Variants in C4orf50 observed in about 807,000 individuals in gnomAD.
C4orf50 encodes the protein uncharacterized protein C4orf50.
C4orf50 carries 80 observed loss-of-function variants against 77.2 expected under a neutral mutation model. The observed-to-expected ratio is 1.04, with a 90% CI of 0.87 to 1.25. The LOEUF (loss-of-function observed/expected upper bound fraction) is 1.25. Among genes scored for constraint, C4orf50 ranks in the 50% most tolerant of loss-of-function variants. The pLI, the probability that C4orf50 is intolerant of heterozygous loss-of-function variation, is 0.00. For synonymous variants in C4orf50, 532 were observed against 465.3 expected, an observed-to-expected ratio of 1.14 and a Z score of -1.84; for missense variants, 1,257 against 1,152.9, an observed-to-expected ratio of 1.09 and a Z score of -1.31.
rs1260537937 is a variant in C4orf50 at position 5,932,494 on chromosome 4, G to A, written c.*2474+24407C>T. On this transcript the variant is annotated intron_variant, in intron 7 of 7. Transcript: ENST00000324058. This position sits in a 1 kb window ranked among gnomAD's most constrained non-coding sequence, Gnocchi z 4.2. ...TTTTGGAGCCTGGCTGGAGTGCCGT[G>A]GCTCCATCACAGTTCACTGCAGCCT... Among the ~76,000 whole-genome samples, 1 of 152,168 alleles carries A rather than the reference G, an allele frequency of 6.6e-6. No homozygotes were observed. The highest frequency in any genetic ancestry group is 1.5e-5 in the Non-Finnish European group (1 of 68,034).
Position 6,007,949 on chromosome 4 carries a change from A to C in C4orf50, c.963+47T>G. 1 of 399,214 alleles carries C rather than the reference A, an allele frequency of 2.5e-6. No individual in the cohort carries two copies. The highest frequency in any genetic ancestry group is 4.4e-6 in the Non-Finnish European group (1 of 226,258). The allele number at this position is 399,214 out of a possible 1,614,324, so 24.7% of individuals were successfully genotyped here. ...GACTTCACCAAGTGGCTGGAGGAGA[A>C]GGAGAAAGGCAAAAGATCATTCCTA... On this transcript the variant is annotated intron_variant, in intron 25 of 33. Transcript: ENST00000531445. This position sits in a 1 kb window ranked among gnomAD's most constrained non-coding sequence, Gnocchi z 4.1.
chr4:5,930,337 T>A (rs6841393), intron 7 of C4orf50, among the ~76,000 whole-genome samples: 115,096 of 152,108 alleles, frequency 0.76, 43,683 homozygotes, highest in East Asian at 0.84. Flanking sequence ...TGCTATTTGG[T>A]CAGCTCTATA....
At chr4:5,923,870 C>G (rs1372430589) in intron 7 of C4orf50, among the ~76,000 whole-genome samples, 2 of 152,194 alleles carry the variant, frequency 1.3e-5, no homozygotes, top group African/African-American at 2.4e-5. Flanking sequence ...CAGACCTACC[C>G]TCCATCTGGG....
Position 6,007,789 on chromosome 4 carries a change from C to T in C4orf50, c.963+207G>A, listed in dbSNP as rs1472847294. 1.9e-5 allele frequency among the ~76,000 whole-genome samples: 2 copies of T among 104,368 alleles called. No individual in the cohort carries two copies. The highest frequency in any genetic ancestry group is 3.7e-4 in the South Asian group (1 of 2,714). The allele number at this position is 104,368 out of a possible 152,430, so 68.5% of individuals were successfully genotyped here. A position where few individuals can be genotyped will look rare whatever the true frequency, so the allele number is the denominator to read the frequency against. ...GTTGGTGGATGGGTAATGAGGTGGGCGTGCACTGAATGAGTATGTGAGGTT... is the reference window on the plus strand; with the variant it reads ...GTTGGTGGATGGGTAATGAGGTGGGTGTGCACTGAATGAGTATGTGAGGTT... On this transcript the variant is annotated intron_variant, in intron 25 of 33. Transcript: ENST00000531445. This position sits in a 1 kb window ranked among gnomAD's most constrained non-coding sequence, Gnocchi z 4.1.
chr4:5,983,974 A>G (rs1305991215), intron 28 of C4orf50, among the ~76,000 whole-genome samples: 1 of 152,242 alleles, frequency 6.6e-6, no homozygotes, highest in African/African-American at 2.4e-5. Flanking sequence ...TGGTGAAGAG[A>G]TGTCACAGGT....
intron 7 of C4orf50, among the ~76,000 whole-genome samples, chr4:5,949,223 T>C (rs1292457559): frequency 6.6e-6 from 1 of 151,992 alleles, no homozygotes; most frequent in African/African-American, 2.4e-5. Context: ...CTCAACAGCA[T>C]GTTGCAAGAA....
intron 7 of C4orf50, among the ~76,000 whole-genome samples, chr4:5,922,792 A>T (rs886496487): frequency 1.3e-5 from 2 of 152,140 alleles, no homozygotes; most frequent in African/African-American, 4.8e-5. Flanking sequence ...GGACCCAGGG[A>T]GTTTGCTGGA....
chr4:5,949,191 T>G (rs896292059), intron 7 of C4orf50, among the ~76,000 whole-genome samples: 3 of 152,064 alleles, frequency 2.0e-5, no homozygotes, highest in Non-Finnish European at 2.9e-5. Flanking sequence ...CGTGAAAAAC[T>G]GTAGCACAGT....
intron 29 of C4orf50, among the ~76,000 whole-genome samples, chr4:5,976,328 C>T (rs186669575): frequency 3.9e-3 from 589 of 151,976 alleles, no homozygotes; most frequent in Non-Finnish European, 5.0e-3. Flanking sequence ...TGGTGGTGGG[C>T]ACCTGTAGTC....
intron 7 of C4orf50, among the ~76,000 whole-genome samples, chr4:5,937,604 A>G (rs1412034430): frequency 3.3e-5 from 5 of 152,224 alleles, no homozygotes; most frequent in African/African-American, 4.8e-5. Flanking sequence ...TAATCATTAT[A>G]ATGGACTAAA....
At chr4:5,899,852 G>C (rs906637806) in intron 7 of C4orf50, 12 of 152,180 alleles carry the variant, frequency 7.9e-5, no homozygotes, top group Admixed American at 2.0e-4. Flanking sequence ...GTTTTAAAAA[G>C]CTCTGCAGGT....
rs993586357 is a variant in C4orf50 at position 6,009,989 on chromosome 4, T to C, written c.427-1457A>G. ...GACGCGTGTAGAAAAGGGCTTAGTG[T>C]TCCCCTGCAGAAACTGCTGGTCCCT... is the stretch of plus-strand genomic sequence containing the variant. On this transcript the variant is annotated intron_variant, in intron 24 of 33. Coordinates refer to ENST00000531445, the Ensembl canonical transcript of C4orf50. The surrounding 1 kb of genome is among the most constrained non-coding windows in gnomAD (Gnocchi z 5.6). Among the ~76,000 whole-genome samples the C allele has an allele frequency of 2.2e-4, 33 of 152,236 alleles. No homozygotes were observed. Among genetic ancestry groups the C allele is most frequent in the African/African-American group, 7.9e-4 (33 of 41,540 alleles).
intron 29 of C4orf50, among the ~76,000 whole-genome samples, chr4:5,976,614 C>A (rs1720303226): frequency 6.6e-6 from 1 of 152,174 alleles, no homozygotes; most frequent in South Asian, 2.1e-4. Context: ...GGGTCCTAAT[C>A]CCGGCTCAGC....
chr4:6,006,218 G>C (rs1722246634), intron 25 of C4orf50, among the ~76,000 whole-genome samples: 1 of 152,114 alleles, frequency 6.6e-6, no homozygotes, highest in Admixed American at 6.5e-5. Flanking sequence ...GATCATTTAA[G>C]GTTCCAGGTA....
At chr4:5,927,009 T>A (rs1196696305) in intron 7 of C4orf50, among the ~76,000 whole-genome samples, 2 of 152,174 alleles carry the variant, frequency 1.3e-5, no homozygotes, top group Non-Finnish European at 2.9e-5. Context: ...CAGGGAGTGT[T>A]CTGGTGAAAT....
chr4:5,925,448 G>C (rs928766964), intron 7 of C4orf50, among the ~76,000 whole-genome samples: 16 of 152,232 alleles, frequency 1.1e-4, no homozygotes, highest in African/African-American at 3.6e-4. Flanking sequence ...ATAAACTTGA[G>C]GCAAGGCCAG....
At chr4:5,959,540 C>T (rs1170027649) in exon 34 of C4orf50, 3 of 1,614,194 alleles carry the variant, frequency 1.9e-6, no homozygotes. Context: ...CTTTTTCTTG[C>T]AGACGTTGTG....
chr4:5,997,187 G>A (rs2108798192), intron 25 of C4orf50, among the ~76,000 whole-genome samples: 1 of 152,362 alleles, frequency 6.6e-6, no homozygotes, highest in African/African-American at 2.4e-5. Flanking sequence ...CCACTCCGTA[G>A]CGCAGAAGGT....
rs1161979697 is a variant in C4orf50, at chr4:6,008,772, C to T, written c.427-240G>A. ...CCTAGTCTGGGCCCTGCACCTTCAA[C>T]AGCTCCCTGAGTCCTGGAAGGGAGC... is the stretch of plus-strand genomic sequence containing the variant. On this transcript the variant is annotated intron_variant, in intron 24 of 33. Coordinates refer to ENST00000531445, the Ensembl canonical transcript of C4orf50. The surrounding 1 kb of genome is among the most constrained non-coding windows in gnomAD (Gnocchi z 6.0). 6.6e-6 allele frequency among the ~76,000 whole-genome samples: 1 copy of T among 152,204 alleles called. No homozygotes were observed. The highest frequency in any genetic ancestry group is 1.5e-5 in the Non-Finnish European group (1 of 68,032).
Sources: gnomAD v4.1 joint callset for allele counts (sites outside exome capture counted in the v4.1 genomes callset) on GRCh38, gnomAD v4.1.1 for gene constraint, Gnocchi (gnomAD v3.1) non-coding constraint, MANE v1.5 for transcripts, NCBI Gene and HGNC (gene_info 2026-07-23, HGNC 2026-07-21) for gene names.